TACC1: variants seen among roughly 807,000 people sequenced by gnomAD.
The protein encoded by TACC1 is transforming acidic coiled-coil-containing protein 1.
A neutral mutation model predicts 84.4 loss-of-function variants in TACC1; 48 were observed. That is an observed-to-expected ratio of 0.57 (90% CI 0.45 to 0.72). The LOEUF is 0.72. TACC1 is among the 30% of genes least tolerant of loss of function. TACC1 has a pLI of 0.00. For missense variants in TACC1, 920 were observed against 973.0 expected, an observed-to-expected ratio of 0.95 and a Z score of 0.72; for synonymous variants, 372 against 376.3, an observed-to-expected ratio of 0.99 and a Z score of 0.13.
At chr8:38,754,947 G>C (rs1168485349) in intron 3 of TACC1, among the ~76,000 whole-genome samples, 1 of 152,204 alleles carries the variant, frequency 6.6e-6, no homozygotes, top group Non-Finnish European at 1.5e-5. Context: ...CGGATCACAA[G>C]GACAGGAGTT....
At chr8:38,743,614 CT>C (rs1807507263) in intron 2 of TACC1, among the ~76,000 whole-genome samples, 1 of 152,130 alleles carries the variant, frequency 6.6e-6, no homozygotes, top group African/African-American at 2.4e-5. Context: ...TAATGGTACT[CT>C]TTTTCTCCTC....
intron 2 of TACC1, among the ~76,000 whole-genome samples, chr8:38,815,134 C>T (rs548521019): frequency 1.3e-5 from 2 of 152,142 alleles, no homozygotes; most frequent in East Asian, 1.9e-4. Context: ...TCCTGCTGGG[C>T]GCACCAGGAT....
chr8:38,770,064 C>A (rs1390716474), intron 3 of TACC1, among the ~76,000 whole-genome samples: 2 of 151,068 alleles, frequency 1.3e-5, no homozygotes, highest in African/African-American at 4.9e-5. Flanking sequence ...TACATGAGAC[C>A]CTGTGTGGTG....
intron 3 of TACC1, among the ~76,000 whole-genome samples, chr8:38,753,871 A>G (rs182616622): frequency 1.5e-5 from 2 of 134,942 alleles, no homozygotes; most frequent in East Asian, 4.4e-4. Flanking sequence ...CTGCAACACA[A>G]GAGGGTGTAG....
chr8:38,819,683 T>A lies in TACC1; in HGVS notation c.439T>A (p.Ser147Thr). 2 of 1,614,178 alleles carry A rather than the reference T, an allele frequency of 1.2e-6. No individual in the cohort carries two copies. Among genetic ancestry groups the A allele is most frequent in the East Asian group, 2.2e-5 (1 of 44,886 alleles). ...ACCTGAACATGATTTTAGCAAAATT[T>A]CCATCGTGAGGCCATTTTCAATAGA... ...EEPEHDFSKI[S>T]IVRPFSIETK... Residue 147 changes from serine to threonine, a missense_variant, in exon 3 of 13, where the codon TCC becomes ACC. By Grantham distance (58) the Ser-to-Thr change is moderately conservative. Transcript: ENST00000317827.
intron 2 of TACC1, among the ~76,000 whole-genome samples, chr8:38,797,689 A>G (rs1355179020): frequency 6.6e-6 from 1 of 152,118 alleles, no homozygotes; most frequent in Non-Finnish European, 1.5e-5. Context: ...GGCAGTTGGT[A>G]TTTTGAATTT....
intron 2 of TACC1, chr8:38,799,941 G>A (rs958269972): frequency 6.6e-6 from 1 of 152,290 alleles, no homozygotes; most frequent in African/African-American, 2.4e-5. Context: ...GCCAAAGCAG[G>A]AGGATTGCTT....
At chr8:38,796,233 T>G (rs1819941442) in intron 2 of TACC1, among the ~76,000 whole-genome samples, 1 of 152,230 alleles carries the variant, frequency 6.6e-6, no homozygotes, top group Non-Finnish European at 1.5e-5. Context: ...CCAGAGCCTT[T>G]ACTGCTAGTA....
chr8:38,750,482 G>C (rs1444048999), intron 3 of TACC1, among the ~76,000 whole-genome samples: 1 of 152,080 alleles, frequency 6.6e-6, no homozygotes, highest in Non-Finnish European at 1.5e-5. Context: ...AACAAAGCAA[G>C]GGAAAAATAA....
At chr8:38,818,980 G>T (rs1228871620) in intron 2 of TACC1, among the ~76,000 whole-genome samples, 1 of 152,116 alleles carries the variant, frequency 6.6e-6, no homozygotes, top group Non-Finnish European at 1.5e-5. Context: ...GTTTCACCAT[G>T]TTGGCCAGGA....
chr8:38,756,198 G>A (rs577798455), intron 3 of TACC1, among the ~76,000 whole-genome samples: 3 of 152,140 alleles, frequency 2.0e-5, no homozygotes, highest in South Asian at 4.2e-4. Flanking sequence ...GAAGGACAGC[G>A]ATAACATGGG....
intron 3 of TACC1, among the ~76,000 whole-genome samples, chr8:38,759,040 C>T (rs1810692751): frequency 6.6e-6 from 1 of 152,102 alleles, no homozygotes; most frequent in African/African-American, 2.4e-5. Flanking sequence ...TGCTTAATAG[C>T]TAATTAGACA....
At chr8:38,796,818 A>T (rs1343404915) in intron 2 of TACC1, among the ~76,000 whole-genome samples, 1 of 152,188 alleles carries the variant, frequency 6.6e-6, no homozygotes, top group South Asian at 2.1e-4. Flanking sequence ...TTTATGGTAG[A>T]TAGAGGAGTT....
At chr8:38,823,848 T>C (rs1827426656) in intron 3 of TACC1, 1 of 515,168 alleles carries the variant, frequency 1.9e-6, no homozygotes. Context: ...GAATACGACA[T>C]TTTTAATTTG....
chr8:38,810,883 G>A (rs958755675), intron 2 of TACC1, among the ~76,000 whole-genome samples: 1 of 152,098 alleles, frequency 6.6e-6, no homozygotes, highest in Non-Finnish European at 1.5e-5. Context: ...CTGGGAGACT[G>A]AAGTAGGAGG....
chr8:38,832,070 G>T (rs1193737988), intron 6 of TACC1, among the ~76,000 whole-genome samples: 2 of 152,156 alleles, frequency 1.3e-5, no homozygotes, highest in African/African-American at 4.8e-5. Context: ...GCCTCCTGAA[G>T]TGCTGGGATT....
intron 3 of TACC1, among the ~76,000 whole-genome samples, chr8:38,753,157 T>A (rs1161418528): frequency 6.6e-6 from 1 of 152,316 alleles, no homozygotes; most frequent in Non-Finnish European, 1.5e-5. Context: ...TGCAGTGCAG[T>A]GGTGTGATCA....
intron 3 of TACC1, among the ~76,000 whole-genome samples, chr8:38,777,993 A>G (rs778297999): frequency 3.9e-5 from 6 of 152,376 alleles, no homozygotes; most frequent in Admixed American, 1.3e-4. Context: ...ACAGATGGAT[A>G]CAGGATGTGG....
chr8:38,836,042 C>G (rs1830159264), intron 6 of TACC1, 120 bp from the exon 7 acceptor site: 1 of 1,399,734 alleles, frequency 7.1e-7, no homozygotes, highest in Non-Finnish European at 9.6e-7. Context: ...CCCCCGCTGA[C>G]TTTTCTTTAA....
Sources: gnomAD v4.1 joint callset for allele counts (sites outside exome capture counted in the v4.1 genomes callset) on GRCh38, gnomAD v4.1.1 for gene constraint, MANE v1.5 for transcripts, NCBI Gene and HGNC (gene_info 2026-07-23, HGNC 2026-07-21) for gene names.